Variants in SLC25A21 observed in about 807,000 individuals in gnomAD.
SLC25A21 encodes solute carrier family 25 member 21.
In SLC25A21, 47 loss-of-function variants were observed where a neutral mutation model predicts 43.8. The observed-to-expected ratio is 1.07, with a 90% CI of 0.85 to 1.37. SLC25A21 has a LOEUF of 1.37. Among genes scored for constraint, SLC25A21 ranks in the 40% most tolerant of loss-of-function variants. The probability of loss-of-function intolerance (pLI) is 0.00; values close to 1 mark genes in which losing one functional copy is unlikely to be tolerated. For missense variants in SLC25A21, 352 were observed against 350.2 expected (o/e 1.00, Z -0.04); for synonymous variants, 131 against 121.3 (o/e 1.08, Z -0.52).
At chr14:36,875,640 C>G (rs1032176138) in intron 1 of SLC25A21, among the ~76,000 whole-genome samples, 10 of 152,076 alleles carry the variant, frequency 6.6e-5, no homozygotes, top group Non-Finnish European at 2.9e-5. Flanking sequence ...TGTAGTATCC[C>G]CATTGTACAA....
intron 2 of SLC25A21, among the ~76,000 whole-genome samples, chr14:36,848,212 G>C (rs1889609393): frequency 1.3e-5 from 2 of 152,162 alleles, no homozygotes; most frequent in Admixed American, 1.3e-4. Flanking sequence ...ATGATACTCT[G>C]TCTTACACAA....
chr14:36,748,542 C>T (rs1047026425), intron 3 of SLC25A21, among the ~76,000 whole-genome samples: 6 of 152,308 alleles, frequency 3.9e-5, no homozygotes, highest in Admixed American at 6.5e-5. Context: ...TTCCTTCATA[C>T]CACATTATTA....
At chr14:36,702,117 G>GT (rs1484402359) in intron 7 of SLC25A21, among the ~76,000 whole-genome samples, 1 of 151,992 alleles carries the variant, frequency 6.6e-6, no homozygotes, top group East Asian at 1.9e-4. Context: ...TTTATATTAT[G>GT]TGCCTAAAAC....
At chr14:37,005,250 C>T (rs1042538686) in intron 1 of SLC25A21, among the ~76,000 whole-genome samples, 3 of 150,750 alleles carry the variant, frequency 2.0e-5, no homozygotes, top group South Asian at 4.2e-4. Flanking sequence ...CTGGAGACAA[C>T]GAAAGTCAGA....
chr14:36,929,285 C>T (rs1438227597), intron 1 of SLC25A21, among the ~76,000 whole-genome samples: 1 of 152,174 alleles, frequency 6.6e-6, no homozygotes, highest in Non-Finnish European at 1.5e-5. Context: ...GAGGGTCCCA[C>T]TCACAGTCCA....
At chr14:36,863,948 T>C (rs1234323683) in intron 2 of SLC25A21, among the ~76,000 whole-genome samples, 1 of 152,196 alleles carries the variant, frequency 6.6e-6, no homozygotes, top group Non-Finnish European at 1.5e-5. Context: ...TTCCAGAGTT[T>C]GGCTACAACC....
intron 1 of SLC25A21, among the ~76,000 whole-genome samples, chr14:37,058,942 T>C (rs1184656473): frequency 6.6e-6 from 1 of 152,180 alleles, no homozygotes; most frequent in Non-Finnish European, 1.5e-5. Context: ...ACTCCTCCCT[T>C]AAGAAAGGTT....
chr14:36,778,348 TAACAAGACC>T (rs1252091239), intron 3 of SLC25A21, among the ~76,000 whole-genome samples: 1 of 152,222 alleles, frequency 6.6e-6, no homozygotes, highest in Non-Finnish European at 1.5e-5. Context: ...GCTATTAATA[TAACAAGACC>T]ACCAACCTAT....
chr14:36,881,607 C>A (rs995943), intron 1 of SLC25A21, among the ~76,000 whole-genome samples: 9,868 of 152,190 alleles, frequency 0.065, 1,056 homozygotes, highest in African/African-American at 0.22. Flanking sequence ...CATTCCTTTA[C>A]AACCTAGGTC....
chr14:37,137,286 C>T lies in SLC25A21; in HGVS notation c.70+34995G>A, dbSNP rs368933002. Among the ~76,000 whole-genome samples, 10 of 152,156 alleles carry T rather than the reference C, an allele frequency of 6.6e-5. No homozygotes were observed. The East Asian group carries it at 1.2e-3, about 18-fold the overall frequency. On this transcript the variant is annotated intron_variant, in intron 1 of 9. Transcript: ENST00000331299. ...TGCTGGGATTACAGGCGTGAGCCAC[C>T]GCGCCCAGCTGGCACTGACTTTTGA...
At chr14:37,082,077 T>C (rs895330750) in intron 1 of SLC25A21, among the ~76,000 whole-genome samples, 1 of 152,198 alleles carries the variant, frequency 6.6e-6, no homozygotes, top group African/African-American at 2.4e-5. Context: ...ATCATGTCCT[T>C]TGCAGCAACA....
intron 1 of SLC25A21, among the ~76,000 whole-genome samples, chr14:36,890,940 A>G (rs1157434378): frequency 6.6e-6 from 1 of 152,202 alleles, no homozygotes; most frequent in Admixed American, 6.6e-5. Flanking sequence ...TGAATAAAAC[A>G]AGTGTACAAA....
intron 1 of SLC25A21, among the ~76,000 whole-genome samples, chr14:37,121,510 A>G (rs1194672584): frequency 6.6e-6 from 1 of 152,164 alleles, no homozygotes; most frequent in Non-Finnish European, 1.5e-5. Context: ...GATTCTGGCC[A>G]GGAACGATGG....
intron 3 of SLC25A21, among the ~76,000 whole-genome samples, chr14:36,795,335 G>T (rs1409754008): frequency 6.6e-6 from 1 of 152,164 alleles, no homozygotes; most frequent in Non-Finnish European, 1.5e-5. Flanking sequence ...TGATCATCAT[G>T]TTGCTCAGGG....
chr14:36,789,915 T>TTA (rs1887417937), intron 3 of SLC25A21, among the ~76,000 whole-genome samples: 1 of 122,684 alleles, frequency 8.2e-6, no homozygotes, highest in Non-Finnish European at 1.6e-5. Flanking sequence ...TTTATATATA[T>TTA]TATATATTTA....
At chr14:36,823,264 A>G (rs1888700436) in intron 2 of SLC25A21, among the ~76,000 whole-genome samples, 1 of 152,200 alleles carries the variant, frequency 6.6e-6, no homozygotes, top group Non-Finnish European at 1.5e-5. Context: ...AAATAGGCTA[A>G]TTAACATAGC....
intron 7 of SLC25A21, among the ~76,000 whole-genome samples, chr14:36,700,434 T>C (rs951765412): frequency 6.6e-6 from 1 of 152,182 alleles, no homozygotes. Flanking sequence ...GTAGGACAGA[T>C]GGGCTGCTCA....
intron 1 of SLC25A21, among the ~76,000 whole-genome samples, chr14:36,998,962 G>T (rs1045957390): frequency 3.9e-5 from 6 of 152,096 alleles, no homozygotes; most frequent in African/African-American, 1.4e-4. Context: ...CTGTGTGAAT[G>T]CAAAATGGCA....
chr14:36,981,353 A>C (rs1286020635), intron 1 of SLC25A21, among the ~76,000 whole-genome samples: 1 of 152,202 alleles, frequency 6.6e-6, no homozygotes, highest in Non-Finnish European at 1.5e-5. Context: ...TACCCAGAGG[A>C]TTATAAATTA....
Sources: allele counts gnomAD v4.1 joint callset (sites outside exome capture counted in the v4.1 genomes callset), GRCh38; gene constraint gnomAD v4.1.1; transcripts MANE v1.5; gene names NCBI Gene and HGNC (gene_info 2026-07-23, HGNC 2026-07-21).